Variants in PPCDC observed in about 807,000 individuals in gnomAD.
PPCDC encodes the protein phosphopantothenoylcysteine decarboxylase.
PPCDC carries 20 observed loss-of-function variants against 20.7 expected under a neutral mutation model. That is an observed-to-expected ratio of 0.97 (90% CI 0.68 to 1.41). The LOEUF is 1.41. PPCDC is among the 40% of genes most tolerant of loss of function. The probability of loss-of-function intolerance (pLI) is 0.00; values close to 1 mark genes in which losing one functional copy is unlikely to be tolerated. For synonymous variants in PPCDC, 88 were observed against 100.3 expected (o/e 0.88, Z 0.73); for missense variants, 246 against 263.8 (o/e 0.93, Z 0.47).
At chr15:75,036,975 A>G (rs781134482) in intron 2 of PPCDC, among the ~76,000 whole-genome samples, 88 of 152,180 alleles carry the variant, frequency 5.8e-4, no homozygotes, top group Admixed American at 1.8e-3. Context: ...CTGGCGCCCA[A>G]TTTGGGGATG....
At chr15:75,046,940 C>G (rs887696707) in intron 4 of PPCDC, among the ~76,000 whole-genome samples, 4 of 152,274 alleles carry the variant, frequency 2.6e-5, no homozygotes, top group African/African-American at 9.6e-5. Context: ...GAGCTGGTCT[C>G]CTGACTGGGA....
intron 2 of PPCDC, among the ~76,000 whole-genome samples, chr15:75,031,618 C>T (rs769956982): frequency 6.6e-5 from 10 of 152,244 alleles, no homozygotes; most frequent in East Asian, 3.9e-4. Context: ...GCAGGAGAAT[C>T]GCTTGAACCC....
intron 4 of PPCDC, among the ~76,000 whole-genome samples, chr15:75,047,163 A>AAGCCC (rs2066246946): frequency 6.6e-6 from 1 of 152,172 alleles, no homozygotes; most frequent in South Asian, 2.1e-4. Context: ...GGCACTTAGA[A>AAGCCC]AGCCCAGCCC....
chr15:75,027,987 A>G (rs1411260355), intron 1 of PPCDC, among the ~76,000 whole-genome samples: 1 of 152,092 alleles, frequency 6.6e-6, no homozygotes, highest in Non-Finnish European at 1.5e-5. Context: ...CTGGGATGCA[A>G]TCTCTGACTT....
chr15:75,024,676 C>CTT (rs35831714), intron 1 of PPCDC, among the ~76,000 whole-genome samples: 12 of 140,078 alleles, frequency 8.6e-5, no homozygotes, highest in African/African-American at 1.0e-4. Flanking sequence ...TTTTTCTTTT[C>CTT]TTTTTTTTTT....
At chr15:75,040,819 T>C (rs1201766045) in intron 2 of PPCDC, among the ~76,000 whole-genome samples, 1 of 152,036 alleles carries the variant, frequency 6.6e-6, no homozygotes, top group African/African-American at 2.4e-5. Context: ...CACACCACCA[T>C]GCCTGGCTAA....
At chr15:75,044,660 C>T in intron 4 of PPCDC, 146 bp downstream of exon 4, 2 of 1,124,060 alleles carry the variant, frequency 1.8e-6, no homozygotes. Context: ...CACATCGCCC[C>T]CAGTGCTCTC....
At chr15:75,027,583 G>A (rs1197398911) in intron 1 of PPCDC, among the ~76,000 whole-genome samples, 1 of 152,152 alleles carries the variant, frequency 6.6e-6, no homozygotes, top group African/African-American at 2.4e-5. Context: ...CACCTCATGA[G>A]CATCTTTGGA....
chr15:75,036,872 T>C (rs1224113491), intron 2 of PPCDC, among the ~76,000 whole-genome samples: 1 of 152,116 alleles, frequency 6.6e-6, no homozygotes, highest in East Asian at 1.9e-4. Flanking sequence ...AGTTTTGCCC[T>C]GTTGCCCAGG....
chr15:75,040,004 G>T (rs1046728163), intron 2 of PPCDC, among the ~76,000 whole-genome samples: 1 of 152,052 alleles, frequency 6.6e-6, no homozygotes, highest in African/African-American at 2.4e-5. Flanking sequence ...GGCTGATCTC[G>T]ACCTCCCCAC....
chr15:75,046,860 C>G (rs1317531127), intron 4 of PPCDC, among the ~76,000 whole-genome samples: 3 of 152,248 alleles, frequency 2.0e-5, no homozygotes, highest in Admixed American at 2.0e-4. Flanking sequence ...AGGCCCTGGC[C>G]CATTTGTGCT....
At chr15:75,048,822 C>A in intron 5 of PPCDC, 101 bp downstream of exon 5, 1 of 1,385,988 alleles carries the variant, frequency 7.2e-7, no homozygotes, top group Non-Finnish European at 9.8e-7. Context: ...CCTTAGCAAA[C>A]CATTCTCTGA....
intron 2 of PPCDC, among the ~76,000 whole-genome samples, chr15:75,036,028 G>A (rs1567053896): frequency 6.6e-6 from 1 of 151,756 alleles, no homozygotes; most frequent in Admixed American, 6.6e-5. Flanking sequence ...GGACTAAGCC[G>A]GGAGCTGCCT....
rs1293496294 is a variant in PPCDC at position 75,049,437 on chromosome 15, G to A, written c.*202G>A. The A allele has an allele frequency of 3.3e-5, 19 of 578,030 alleles. No homozygotes were observed. The highest frequency in any genetic ancestry group is 2.9e-4 in the South Asian group (14 of 48,214). 35.8% of individuals were successfully genotyped at this position (578,030 alleles called of 1,614,324 possible). On this transcript the variant is annotated 3_prime_UTR_variant, in exon 6 of 6. Coordinates refer to ENST00000342932, the MANE Select transcript of PPCDC (RefSeq NM_021823.5). ...CAGTTTCTTTCAACCAGGAGAGGCC[G>A]CTGCCTAGAGCCCCTCCCCACCTTT...
intron 2 of PPCDC, among the ~76,000 whole-genome samples, chr15:75,031,925 G>C (rs1351345104): frequency 6.6e-6 from 1 of 152,076 alleles, no homozygotes; most frequent in Non-Finnish European, 1.5e-5. Context: ...GGTCTTGTTA[G>C]GCAGATAAAA....
At chr15:75,030,447 C>T (rs769912761) in intron 2 of PPCDC, among the ~76,000 whole-genome samples, 1 of 152,272 alleles carries the variant, frequency 6.6e-6, no homozygotes, top group Non-Finnish European at 1.5e-5. Context: ...CCACAGTTCA[C>T]CTGCTCTTGT....
intron 2 of PPCDC, among the ~76,000 whole-genome samples, chr15:75,032,724 A>AC (rs71434252): frequency 0.57 from 55,165 of 96,170 alleles, 17,691 homozygotes; most frequent in Non-Finnish European, 0.74. Flanking sequence ...AGCAAACTGG[A>AC]CCCCCCCCCC....
intron 2 of PPCDC, among the ~76,000 whole-genome samples, chr15:75,036,535 C>T (rs1011888306): frequency 2.0e-5 from 3 of 152,152 alleles, no homozygotes; most frequent in Admixed American, 6.5e-5. Context: ...TAGTGAAGAC[C>T]TTGACCCCAG....
chr15:75,048,651 A>G lies in PPCDC; in HGVS notation c.459A>G (p.Val153=). Residue 153 remains valine, a synonymous_variant, in exon 5 of 6, where the codon GTA becomes GTG. Coordinates refer to ENST00000342932, the MANE Select transcript of PPCDC (RefSeq NM_021823.5). The part of the protein sequence containing the change: ...MWEHPITAQQ[V]DQLKAFGYVE... Reference sequence around the variant, plus strand: ...AGCACCCGATCACAGCGCAGCAGGTAGACCAGCTCAAGGCCTTTGGCTATG... The same window carrying G: ...AGCACCCGATCACAGCGCAGCAGGTGGACCAGCTCAAGGCCTTTGGCTATG... 6.2e-7 allele frequency: 1 copy of G among 1,614,242 alleles called. No individual in the cohort carries two copies. Among genetic ancestry groups the G allele is most frequent in the South Asian group, 1.1e-5 (1 of 91,092 alleles).
Sources: allele counts gnomAD v4.1 joint callset (sites outside exome capture counted in the v4.1 genomes callset), GRCh38; gene constraint gnomAD v4.1.1; transcripts MANE v1.5; gene names NCBI Gene and HGNC (gene_info 2026-07-23, HGNC 2026-07-21).